SGCZ: variants seen among roughly 807,000 people sequenced by gnomAD.
SGCZ encodes zeta-sarcoglycan.
A neutral mutation model predicts 41.3 loss-of-function variants in SGCZ; 40 were observed. The observed-to-expected ratio is 0.97, with a 90% confidence interval of 0.75 to 1.26. The LOEUF (loss-of-function observed/expected upper bound fraction) is 1.26, where lower values mean the gene tolerates loss of function less well. Ranked by LOEUF, SGCZ falls within the 50% of genes most tolerant of loss-of-function variation. The pLI is 0.00. For synonymous variants in SGCZ, 206 were observed against 137.5 expected, an observed-to-expected ratio of 1.50 and a Z score of -3.49; for missense variants, 552 against 369.8, an observed-to-expected ratio of 1.49 and a Z score of -4.04.
intron 2 of SGCZ, among the ~76,000 whole-genome samples, chr8:14,482,872 T>C (rs1222746982): frequency 1.3e-5 from 2 of 152,012 alleles, no homozygotes; most frequent in Non-Finnish European, 2.9e-5. Flanking sequence ...AGACTTAGGC[T>C]GGAATTAACA....
chr8:14,784,051 ATGTTT>A (rs936805261), intron 1 of SGCZ, among the ~76,000 whole-genome samples: 9 of 99,550 alleles, frequency 9.0e-5, no homozygotes, highest in Non-Finnish European at 1.8e-4. Flanking sequence ...ATTTAATTTA[ATGTTT>A]TTTTTTTTTT....
intron 1 of SGCZ, among the ~76,000 whole-genome samples, chr8:14,757,313 C>A (rs1322266160): frequency 6.6e-6 from 1 of 152,166 alleles, no homozygotes; most frequent in Non-Finnish European, 1.5e-5. Flanking sequence ...CCTCCCAAAG[C>A]ACTGGGACTG....
intron 1 of SGCZ, among the ~76,000 whole-genome samples, chr8:15,005,213 G>A (rs1020795047): frequency 6.6e-6 from 1 of 152,044 alleles, no homozygotes; most frequent in Non-Finnish European, 1.5e-5. Context: ...CAAAAGGCAT[G>A]GTACCAAAAG....
At chr8:15,223,652 C>G (rs955409752) in intron 1 of SGCZ, among the ~76,000 whole-genome samples, 1 of 152,048 alleles carries the variant, frequency 6.6e-6, no homozygotes, top group East Asian at 1.9e-4. Flanking sequence ...AATATCTAAC[C>G]TGGATCCATG....
intron 3 of SGCZ, among the ~76,000 whole-genome samples, chr8:14,259,703 G>C (rs1799586122): frequency 6.8e-6 from 1 of 148,016 alleles, no homozygotes; most frequent in African/African-American, 2.5e-5. Context: ...ATGCTGTTTT[G>C]GTTACTGTAG....
intron 1 of SGCZ, among the ~76,000 whole-genome samples, chr8:15,217,863 G>A (rs923788551): frequency 1.1e-4 from 17 of 152,108 alleles, no homozygotes; most frequent in Non-Finnish European, 1.9e-4. Flanking sequence ...TGAGTTGGAC[G>A]GATCACTTGA....
chr8:15,105,148 T>G (rs1406650047), intron 1 of SGCZ, among the ~76,000 whole-genome samples: 2 of 152,230 alleles, frequency 1.3e-5, no homozygotes, highest in African/African-American at 4.8e-5. Flanking sequence ...TGTATTACCT[T>G]TATCCAAAAG....
chr8:15,047,872 G>A (rs1804369807), intron 1 of SGCZ, among the ~76,000 whole-genome samples: 1 of 151,984 alleles, frequency 6.6e-6, no homozygotes, highest in Admixed American at 6.6e-5. Flanking sequence ...ATGTACACTA[G>A]TACACTGTTG....
chr8:15,035,851 TC>T (rs1803856081), intron 1 of SGCZ, among the ~76,000 whole-genome samples: 1 of 152,046 alleles, frequency 6.6e-6, no homozygotes, highest in Non-Finnish European at 1.5e-5. Flanking sequence ...TATTAATAGC[TC>T]CAAAGAGAGG....
chr8:14,933,923 A>G (rs1191594142), intron 1 of SGCZ, among the ~76,000 whole-genome samples: 1 of 152,078 alleles, frequency 6.6e-6, no homozygotes, highest in Admixed American at 6.5e-5. Flanking sequence ...CAAAATATAC[A>G]GAAGAAAATG....
intron 1 of SGCZ, among the ~76,000 whole-genome samples, chr8:14,602,362 G>A (rs1436097852): frequency 6.6e-6 from 1 of 151,816 alleles, no homozygotes; most frequent in Non-Finnish European, 1.5e-5. Context: ...ATGGTGGCTC[G>A]CACCTGTAAT....
intron 1 of SGCZ, among the ~76,000 whole-genome samples, chr8:14,816,124 T>A (rs1801895789): frequency 6.6e-6 from 1 of 152,256 alleles, no homozygotes; most frequent in Non-Finnish European, 1.5e-5. Flanking sequence ...AATATTGACA[T>A]GTTTACATTT....
intron 1 of SGCZ, among the ~76,000 whole-genome samples, chr8:15,041,347 A>T (rs1804089342): frequency 6.6e-6 from 1 of 152,024 alleles, no homozygotes; most frequent in Non-Finnish European, 1.5e-5. Flanking sequence ...GTTAATAATT[A>T]TTAAAATTGT....
chr8:15,055,296 C>G (rs1348138981), intron 1 of SGCZ, among the ~76,000 whole-genome samples: 9 of 152,116 alleles, frequency 5.9e-5, no homozygotes, highest in Non-Finnish European at 1.3e-4. Context: ...AAGCCTGGTT[C>G]ACATAAATTC....
chr8:15,150,689 AAAG>A (rs1457909837), intron 1 of SGCZ, among the ~76,000 whole-genome samples: 1 of 152,244 alleles, frequency 6.6e-6, no homozygotes, highest in Non-Finnish European at 1.5e-5. Flanking sequence ...CAAGAGAAAC[AAAG>A]AAGCTGACTT....
chr8:14,130,706 G>C (rs1485918243), intron 5 of SGCZ, among the ~76,000 whole-genome samples: 3 of 152,156 alleles, frequency 2.0e-5, no homozygotes, highest in East Asian at 3.9e-4. Context: ...GAAAAATCAA[G>C]CTGCAGACAT....
chr8:14,234,712 C>T (rs1180867079), intron 4 of SGCZ, among the ~76,000 whole-genome samples: 2 of 152,030 alleles, frequency 1.3e-5, no homozygotes, highest in African/African-American at 4.8e-5. Flanking sequence ...AGAACAGCTA[C>T]TTTATGTATA....
intron 1 of SGCZ, among the ~76,000 whole-genome samples, chr8:14,763,374 C>T (rs150023918): frequency 6.6e-6 from 1 of 152,256 alleles, no homozygotes; most frequent in East Asian, 1.9e-4. Context: ...AGTCCAAAAT[C>T]TCTCACATCT....
chr8:14,367,974 G>GGTGGTA, intron 2 of SGCZ, among the ~76,000 whole-genome samples: 1 of 152,140 alleles, frequency 6.6e-6, no homozygotes, highest in African/African-American at 2.4e-5. Context: ...AAATATAATA[G>GGTGGTA]GTGGTAGGGA....
Sources: gnomAD v4.1 joint callset for allele counts (sites outside exome capture counted in the v4.1 genomes callset) on GRCh38, gnomAD v4.1.1 for gene constraint, MANE v1.5 for transcripts, NCBI Gene and HGNC (gene_info 2026-07-23, HGNC 2026-07-21) for gene names.